The following ATP6V1C2 variants were observed in gnomAD, a reference collection of about 807,000 sequenced individuals.
ATP6V1C2 encodes the protein V-type proton ATPase subunit C 2.
In ATP6V1C2, 45 loss-of-function variants were observed where a neutral mutation model predicts 56.8. That is an observed-to-expected ratio of 0.79 (90% CI 0.62 to 1.02). The LOEUF is 1.02. Ranked by LOEUF, ATP6V1C2 falls within the 50% of genes least tolerant of loss-of-function variation. The pLI is 0.00. For missense variants in ATP6V1C2, 463 were observed against 519.7 expected, an observed-to-expected ratio of 0.89 and a Z score of 1.06; for synonymous variants, 220 against 201.3, an observed-to-expected ratio of 1.09 and a Z score of -0.79.
intron 2 of ATP6V1C2, among the ~76,000 whole-genome samples, chr2:10,724,587 C>G (rs559769858): frequency 6.6e-6 from 1 of 152,022 alleles, no homozygotes; most frequent in African/African-American, 2.4e-5. Context: ...AAGACACAGC[C>G]CCTGCAGAAG....
chr2:10,784,563 G>T lies in ATP6V1C2; in HGVS notation c.*1300G>T. 1.9e-6 allele frequency: 1 copy of T among 516,512 alleles called. No individual in the cohort carries two copies. The highest frequency in any genetic ancestry group is 1.9e-5 in the African/African-American group (1 of 51,828). The allele number at this position is 516,512 out of a possible 1,614,324, so 32.0% of individuals were successfully genotyped here. A position where few individuals can be genotyped will look rare whatever the true frequency, so the allele number is the denominator to read the frequency against. On this transcript the variant is annotated 3_prime_UTR_variant, in exon 14 of 14. Coordinates refer to ENST00000272238, the MANE Select transcript of ATP6V1C2 (RefSeq NM_001039362.2). ...ACCATTTTAACACTGGAAGCCACTT[G>T]AACGTGTCCTTTTGAGGAGGGTGGG...
chr2:10,764,502 C>A, intron 5 of ATP6V1C2, 77 bp downstream of exon 5: 1 of 1,239,370 alleles, frequency 8.1e-7, no homozygotes, highest in Non-Finnish European at 1.2e-6. Flanking sequence ...GCCCCCCTGC[C>A]AACAGCCTCA....
rs557708401 is a variant in ATP6V1C2 at position 10,766,456 on chromosome 2, T to C, written c.378+2031T>C. 6.6e-5 allele frequency among the ~76,000 whole-genome samples: 10 copies of C among 152,352 alleles called. No individual in the cohort carries two copies. The East Asian group carries it at 1.2e-3, about 18-fold the overall frequency. ...GTAAAAGTCAGAACTGGCATTTAAA[T>C]GTGGGCCTTACTGGTTCGAAAGCCC... On this transcript the variant is annotated intron_variant, in intron 5 of 13. Transcript: ENST00000272238.
At chr2:10,774,020 G>A (rs1384930665) in intron 8 of ATP6V1C2, among the ~76,000 whole-genome samples, 4 of 152,274 alleles carry the variant, frequency 2.6e-5, no homozygotes. Flanking sequence ...TAAAGGCCAA[G>A]AGCCGGGGAT....
At chr2:10,734,885 C>T (rs1020088416) in intron 3 of ATP6V1C2, among the ~76,000 whole-genome samples, 3 of 152,024 alleles carry the variant, frequency 2.0e-5, no homozygotes, top group African/African-American at 7.2e-5. Flanking sequence ...AAATGGCTTA[C>T]TGAGCCTGGG....
In ATP6V1C2 at chr2:10,726,577, A is replaced by G. The variant is rs745727972; in HGVS notation, c.197+8A>G. ...CGACACCTTTGCTGAAAGGTAAAAT[A>G]TTCCTTATTTACTACATACAAGTGA... On this transcript the variant is annotated splice_region_variant and intron_variant, in intron 3 of 13. Coordinates refer to ENST00000272238, the MANE Select transcript of ATP6V1C2 (RefSeq NM_001039362.2). The G allele has an allele frequency of 1.2e-6, 2 of 1,608,630 alleles. No homozygotes were observed. Among genetic ancestry groups the G allele is most frequent in the African/African-American group, 1.3e-5 (1 of 74,894 alleles).
At chr2:10,782,214 G>A in intron 12 of ATP6V1C2, 29 bp from the exon 13 acceptor site, 1 of 1,612,678 alleles carries the variant, frequency 6.2e-7, no homozygotes, top group Non-Finnish European at 8.5e-7. Context: ...TTGGAGCAGT[G>A]AACTGACACA....
chr2:10,754,859 G>A (rs1048907493), intron 4 of ATP6V1C2, among the ~76,000 whole-genome samples: 12 of 151,982 alleles, frequency 7.9e-5, no homozygotes, highest in Admixed American at 2.6e-4. Context: ...TTACAGGCGT[G>A]AGCCACCGCG....
Position 10,775,036 on chromosome 2 carries a change from A to G in ATP6V1C2, c.790A>G (p.Met264Val). 6.2e-7 allele frequency: 1 copy of G among 1,614,048 alleles called. No homozygotes were observed. Among genetic ancestry groups the G allele is most frequent in the Non-Finnish European group, 8.5e-7 (1 of 1,179,998 alleles). ...EKEIEREREE[M>V]ARLLSDKKQQ... ...GGAAATTGAAAGGGAAAGGGAGGAG[A>G]TGGCCAGATTGCTGTCTGATAAGAA... Residue 264 changes from methionine to valine, a missense_variant, in exon 10 of 14, where the codon ATG becomes GTG. Coordinates refer to ENST00000272238, the MANE Select transcript of ATP6V1C2 (RefSeq NM_001039362.2).
At chr2:10,758,803 T>C (rs1010102505) in intron 4 of ATP6V1C2, among the ~76,000 whole-genome samples, 1 of 152,008 alleles carries the variant, frequency 6.6e-6, no homozygotes, top group Non-Finnish European at 1.5e-5. Context: ...GCTGGGACTG[T>C]AGTCCCAGGC....
In ATP6V1C2 at chr2:10,772,551, C is replaced by T. The variant is rs756168879; in HGVS notation, c.579C>T (p.Tyr193=). ...TLLVIVPKPN[Y]SQWQKTYESL... Reference sequence around the variant, plus strand: ...TTCTATGTTCTTGCAGACCAAACTACTCACAATGGCAAAAAACCTACGAAT... The same window carrying T: ...TTCTATGTTCTTGCAGACCAAACTATTCACAATGGCAAAAAACCTACGAAT... Residue 193 remains tyrosine (Y), a synonymous_variant, in exon 8 of 14, where the codon TAC becomes TAT. Coordinates refer to ENST00000272238, the MANE Select transcript of ATP6V1C2 (RefSeq NM_001039362.2). 1 of 1,613,972 alleles carries T rather than the reference C, an allele frequency of 6.2e-7. No individual in the cohort carries two copies. The highest frequency in any genetic ancestry group is 8.5e-7 in the Non-Finnish European group (1 of 1,179,864).
chr2:10,722,054 C>T (rs566965754), intron 1 of ATP6V1C2, among the ~76,000 whole-genome samples: 51 of 152,298 alleles, frequency 3.3e-4, no homozygotes, highest in African/African-American at 1.1e-3. Context: ...CTCCTCAGAG[C>T]TTATCCTGCT....
intron 4 of ATP6V1C2, among the ~76,000 whole-genome samples, chr2:10,758,201 T>C (rs1663666447): frequency 6.6e-6 from 1 of 152,164 alleles, no homozygotes; most frequent in Admixed American, 6.5e-5. Flanking sequence ...GAGAACTACT[T>C]TTCTACATAA....
chr2:10,741,181 T>A (rs1316388035), intron 3 of ATP6V1C2, among the ~76,000 whole-genome samples: 1 of 152,224 alleles, frequency 6.6e-6, no homozygotes, highest in Non-Finnish European at 1.5e-5. Flanking sequence ...ACTTCCAGTT[T>A]CTGTGAAGCC....
At position 10,751,012 on chromosome 2, in the gene ATP6V1C2, C is replaced by A. The variant is rs1175779081; in HGVS notation, c.198-2969C>A. Among the ~76,000 whole-genome samples, 8 of 152,240 alleles carry A rather than the reference C, an allele frequency of 5.3e-5. No homozygotes were observed. The South Asian group carries it at 1.7e-3, about 32-fold the overall frequency. On this transcript the variant is annotated intron_variant, in intron 3 of 13. Transcript: ENST00000272238. ...TATGAAATTTGCTAAACAAATGAAC[C>A]AATGAATTTATGGAGTCAGGGTCCC... is the stretch of plus-strand genomic sequence containing the variant.
rs369606876 is a variant in ATP6V1C2, at chr2:10,731,836, T to C, written c.197+5267T>C. On this transcript the variant is annotated intron_variant, in intron 3 of 13. Coordinates refer to ENST00000272238, the MANE Select transcript of ATP6V1C2 (RefSeq NM_001039362.2). Reference sequence around the variant, plus strand: ...AAAAAATACAAAATTTAGCCAGGTGTGGTGGTGCATGCCTGTAGTCCCAGC... The same window carrying C: ...AAAAAATACAAAATTTAGCCAGGTGCGGTGGTGCATGCCTGTAGTCCCAGC... 2.5e-3 allele frequency among the ~76,000 whole-genome samples: 382 copies of C among 151,910 alleles called. 3 individuals carry two copies. The highest frequency in any genetic ancestry group is 9.0e-3 in the African/African-American group (374 of 41,388).
At chr2:10,767,111 A>T (rs541646402) in intron 5 of ATP6V1C2, among the ~76,000 whole-genome samples, 122 of 152,002 alleles carry the variant, frequency 8.0e-4, no homozygotes, top group Non-Finnish European at 9.9e-4. Flanking sequence ...TTTTATCTTT[A>T]AAATCATCAC....
intron 3 of ATP6V1C2, among the ~76,000 whole-genome samples, chr2:10,749,498 T>C (rs115972901): frequency 0.028 from 4,227 of 152,236 alleles, 201 homozygotes; most frequent in African/African-American, 0.096. Context: ...CAACGAGATA[T>C]AATTTTTCAG....
At chr2:10,725,931 T>C (rs1405865373) in intron 2 of ATP6V1C2, among the ~76,000 whole-genome samples, 2 of 151,706 alleles carry the variant, frequency 1.3e-5, no homozygotes, top group Non-Finnish European at 2.9e-5. Flanking sequence ...AATAAAAAAT[T>C]AGCCGTGCAT....
Sources: gnomAD v4.1 joint callset for allele counts (sites outside exome capture counted in the v4.1 genomes callset) on GRCh38, gnomAD v4.1.1 for gene constraint, MANE v1.5 for transcripts, NCBI Gene and HGNC (gene_info 2026-07-23, HGNC 2026-07-21) for gene names.